The following TMC1 variants were observed in gnomAD, a reference collection of about 807,000 sequenced individuals.
The protein encoded by TMC1 is transmembrane channel-like protein 1.
A neutral mutation model predicts 105.8 loss-of-function variants in TMC1; 84 were observed. The ratio of observed to expected loss-of-function variants is 0.79; its 90% CI spans 0.67 to 0.95. The LOEUF (loss-of-function observed/expected upper bound fraction) is 0.95, where lower values mean the gene tolerates loss of function less well. Ranked by LOEUF, TMC1 falls within the 40% of genes least tolerant of loss-of-function variation. The pLI, the probability that TMC1 is intolerant of heterozygous loss-of-function variation, is 0.00. For synonymous variants in TMC1, 315 were observed against 311.5 expected (o/e 1.01, Z -0.12); for missense variants, 817 against 914.1 (o/e 0.89, Z 1.37).
intron 7 of TMC1, among the ~76,000 whole-genome samples, chr9:72,697,770 T>G (rs1826575335): frequency 6.6e-6 from 1 of 152,116 alleles, no homozygotes; most frequent in Non-Finnish European, 1.5e-5. Context: ...TCATGAATTA[T>G]TTTGAAATGG....
chr9:72,688,447 A>G (rs920554059), intron 5 of TMC1, among the ~76,000 whole-genome samples: 1 of 152,132 alleles, frequency 6.6e-6, no homozygotes, highest in Non-Finnish European at 1.5e-5. Context: ...TTGAGCTGAT[A>G]GCTTATAACT....
intron 5 of TMC1, among the ~76,000 whole-genome samples, chr9:72,682,186 T>C (rs1588028827): frequency 1.3e-5 from 2 of 152,168 alleles, no homozygotes; most frequent in Admixed American, 1.3e-4. Flanking sequence ...GGGGCATTTA[T>C]TACAAAAGTT....
chr9:72,656,637 T>C (rs1825889416), intron 5 of TMC1, among the ~76,000 whole-genome samples: 1 of 152,218 alleles, frequency 6.6e-6, no homozygotes, highest in African/African-American at 2.4e-5. Flanking sequence ...GGAGGCAATA[T>C]TTTCCCTACT....
intron 2 of TMC1, among the ~76,000 whole-genome samples, chr9:72,587,098 A>C (rs1346908578): frequency 6.6e-6 from 1 of 152,092 alleles, no homozygotes; most frequent in Admixed American, 6.6e-5. Context: ...TCCCACAATA[A>C]ATTATCTGGC....
intron 11 of TMC1, 45 bp from the exon 12 acceptor site, chr9:72,754,741 A>C (rs1285153815): frequency 6.9e-7 from 1 of 1,458,922 alleles, no homozygotes; most frequent in Non-Finnish European, 9.6e-7. Flanking sequence ...TGTGGCTCAG[A>C]CTTTGTTTCT....
intron 6 of TMC1, among the ~76,000 whole-genome samples, chr9:72,691,819 G>A (rs948653507): frequency 6.6e-6 from 1 of 152,094 alleles, no homozygotes; most frequent in Non-Finnish European, 1.5e-5. Context: ...TCCCATTTCA[G>A]GGGCAAGTCA....
intron 5 of TMC1, among the ~76,000 whole-genome samples, chr9:72,685,100 CTTTTT>C (rs71359515): frequency 1.1e-4 from 10 of 91,044 alleles, no homozygotes; most frequent in African/African-American, 4.3e-4. Context: ...TAAAGTCATT[CTTTTT>C]TTTTTTTTTT....
intron 12 of TMC1, among the ~76,000 whole-genome samples, chr9:72,767,366 G>C (rs1827856308): frequency 6.6e-6 from 1 of 152,118 alleles, no homozygotes; most frequent in Non-Finnish European, 1.5e-5. Flanking sequence ...TATCTTTCAT[G>C]GTGAACATTT....
Position 72,816,219 on chromosome 9 carries a change from G to A in TMC1, c.1763+9G>A. The A allele has an allele frequency of 6.2e-7, 1 of 1,612,962 alleles. No homozygotes were observed. Among genetic ancestry groups the A allele is most frequent in the Non-Finnish European group, 8.5e-7 (1 of 1,179,028 alleles). ...AACCAAGGCATGATCTGGTAGGCCAGCTGTTGGACAGCTTATCACTTACAG... is the reference window on the plus strand; with the variant it reads ...AACCAAGGCATGATCTGGTAGGCCAACTGTTGGACAGCTTATCACTTACAG... On this transcript the variant is annotated intron_variant, in intron 19 of 23. Transcript: ENST00000297784.
chr9:72,715,491 C>A (rs1826901532), intron 8 of TMC1, among the ~76,000 whole-genome samples: 1 of 152,010 alleles, frequency 6.6e-6, no homozygotes, highest in Non-Finnish European at 1.5e-5. Flanking sequence ...ATCTTGTCTT[C>A]TTGCTTTATA....
chr9:72,805,922 GAA>G (rs1173706502), intron 18 of TMC1, among the ~76,000 whole-genome samples: 1 of 152,152 alleles, frequency 6.6e-6, no homozygotes, highest in Non-Finnish European at 1.5e-5. Context: ...AGAACAAAAT[GAA>G]AAGTCTCCCA....
intron 1 of TMC1, among the ~76,000 whole-genome samples, chr9:72,572,620 G>A (rs1197890250): frequency 2.0e-5 from 3 of 152,144 alleles, no homozygotes; most frequent in Non-Finnish European, 4.4e-5. Flanking sequence ...GGTAATACCT[G>A]TGTACATTGC....
intron 15 of TMC1, among the ~76,000 whole-genome samples, chr9:72,789,575 A>T (rs548374643): frequency 6.6e-6 from 1 of 152,296 alleles, no homozygotes; most frequent in African/African-American, 2.4e-5. Flanking sequence ...TCTAATCATT[A>T]TGTTTTACAG....
chr9:72,808,524 C>T (rs1828640668), intron 18 of TMC1, among the ~76,000 whole-genome samples: 1 of 152,220 alleles, frequency 6.6e-6, no homozygotes, highest in African/African-American at 2.4e-5. Context: ...CATGGTCTAT[C>T]TCCCTCTGTT....
chr9:72,638,686 T>A (rs959600640), intron 4 of TMC1, among the ~76,000 whole-genome samples: 2 of 152,168 alleles, frequency 1.3e-5, no homozygotes, highest in African/African-American at 4.8e-5. Flanking sequence ...GAAATAAATG[T>A]GTAGAGAGTA....
At chr9:72,788,984 A>G (rs1828217232) in intron 14 of TMC1, 139 bp from the exon 15 acceptor site, 4 of 837,444 alleles carry the variant, frequency 4.8e-6, no homozygotes, top group Non-Finnish European at 5.7e-6. Context: ...GGTTTGTGGA[A>G]TCTCAGATTT....
chr9:72,626,199 A>G (rs1825344399), intron 3 of TMC1, among the ~76,000 whole-genome samples: 2 of 152,168 alleles, frequency 1.3e-5, no homozygotes, highest in Non-Finnish European at 2.9e-5. Context: ...CTGAGGGAGA[A>G]CTGCTTTGCT....
intron 5 of TMC1, among the ~76,000 whole-genome samples, chr9:72,668,588 C>G (rs954458751): frequency 5.9e-5 from 9 of 152,286 alleles, no homozygotes; most frequent in Middle Eastern, 3.4e-3. Context: ...AGTTAATTAA[C>G]TAGAACCCTT....
chr9:72,540,734 G>A (rs1444245213), intron 1 of TMC1, among the ~76,000 whole-genome samples: 1 of 152,146 alleles, frequency 6.6e-6, no homozygotes, highest in Non-Finnish European at 1.5e-5. Context: ...GAGAGCTCAT[G>A]CAAGTGGCCA....
Sources: allele counts gnomAD v4.1 joint callset (sites outside exome capture counted in the v4.1 genomes callset), GRCh38; gene constraint gnomAD v4.1.1; transcripts MANE v1.5; gene names NCBI Gene and HGNC (gene_info 2026-07-23, HGNC 2026-07-21).